PTPRG: variants seen among roughly 807,000 people sequenced by gnomAD.
The protein encoded by PTPRG is receptor-type tyrosine-protein phosphatase gamma.
In PTPRG, 102 loss-of-function variants were observed where a neutral mutation model predicts 165.3. The observed-to-expected ratio is 0.62, with a 90% CI of 0.53 to 0.73. PTPRG has a LOEUF of 0.73. Ranked by LOEUF, PTPRG falls within the 30% of genes least tolerant of loss-of-function variation. PTPRG has a pLI of 0.00. For synonymous variants in PTPRG, 675 were observed against 669.5 expected (o/e 1.01, Z -0.13); for missense variants, 1,866 against 1,861.4 (o/e 1.00, Z -0.05).
chr3:61,815,625 G>A (rs1275776997), intron 2 of PTPRG, among the ~76,000 whole-genome samples: 2 of 152,154 alleles, frequency 1.3e-5, no homozygotes, highest in Non-Finnish European at 2.9e-5. Context: ...GTTTTACTGT[G>A]CAAAAGTAGT....
chr3:61,776,926 C>T (rs189816787), intron 2 of PTPRG, among the ~76,000 whole-genome samples: 6 of 152,160 alleles, frequency 3.9e-5, no homozygotes, highest in Admixed American at 3.9e-4. Flanking sequence ...ACTATTTCTG[C>T]ACTGAACTGT....
intron 5 of PTPRG, chr3:62,124,526 G>A (rs962961931): frequency 1.2e-5 from 18 of 1,548,080 alleles, no homozygotes; most frequent in African/African-American, 4.1e-5. Flanking sequence ...GTCATCCACC[G>A]GGGTTTTGCT....
intron 26 of PTPRG, among the ~76,000 whole-genome samples, chr3:62,278,861 C>A (rs1289454604): frequency 6.6e-6 from 1 of 152,016 alleles, no homozygotes. Context: ...TTAAAACGTT[C>A]ATTTGTTGGA....
intron 1 of PTPRG, among the ~76,000 whole-genome samples, chr3:61,673,018 G>A (rs111732406): frequency 0.015 from 2,243 of 152,114 alleles, 65 homozygotes; most frequent in African/African-American, 0.05. Flanking sequence ...AATTAGCTGG[G>A]TGTGGTGGTG....
intron 2 of PTPRG, among the ~76,000 whole-genome samples, chr3:61,947,137 C>G (rs2039780693): frequency 6.6e-6 from 1 of 152,102 alleles, no homozygotes; most frequent in Non-Finnish European, 1.5e-5. Context: ...ATTAGTCCAG[C>G]TTAATCACGT....
chr3:61,754,535 C>T (rs1047141897), intron 2 of PTPRG, among the ~76,000 whole-genome samples: 2 of 152,130 alleles, frequency 1.3e-5, no homozygotes, highest in Admixed American at 6.5e-5. Flanking sequence ...CTGCAGCGTG[C>T]CAGTGTGTCT....
chr3:61,912,881 C>A (rs1039543472), intron 2 of PTPRG, among the ~76,000 whole-genome samples: 1 of 151,830 alleles, frequency 6.6e-6, no homozygotes, highest in African/African-American at 2.4e-5. Flanking sequence ...TTTTTTTCAC[C>A]ATTTTTTAGT....
intron 4 of PTPRG, among the ~76,000 whole-genome samples, chr3:62,040,605 C>T (rs930154283): frequency 1.3e-4 from 20 of 152,166 alleles, no homozygotes; most frequent in Non-Finnish European, 2.5e-4. Flanking sequence ...AGGCATGCGC[C>T]ACCACGCCCA....
intron 26 of PTPRG, among the ~76,000 whole-genome samples, chr3:62,279,953 G>A (rs1327525817): frequency 6.6e-6 from 1 of 151,964 alleles, no homozygotes; most frequent in Admixed American, 6.6e-5. Context: ...ATTAGGATAC[G>A]TGGTGTACAT....
chr3:62,124,318 C>G (rs1211142797), intron 5 of PTPRG: 18 of 1,609,466 alleles, frequency 1.1e-5, no homozygotes, highest in Non-Finnish European at 1.4e-5. Context: ...TCCTGGATGC[C>G]TGGTTCTGCC....
In PTPRG at chr3:62,191,476, C is replaced by T; in HGVS notation, c.1041C>T (p.Ser347=). The T allele has an allele frequency of 6.2e-7, 1 of 1,613,606 alleles. No homozygotes were observed. The highest frequency in any genetic ancestry group is 8.5e-7 in the Non-Finnish European group (1 of 1,179,862). The change falls in exon 9 of 30, where the codon AGC becomes AGT. Residue 347 remains serine (S), a synonymous_variant. Coordinates refer to ENST00000474889, the MANE Select transcript of PTPRG (RefSeq NM_002841.4). ...PLGTEASKVC[S]SPPIHMKVQP... is the part of the protein sequence containing the mutation. ...AGCCCTGTGTATCTTCAGTTTGCAG[C>T]TCTCCACCCATCCACATGAAGGTGC...
intron 9 of PTPRG, 103 bp from the exon 10 acceptor site, chr3:62,194,959 A>C: frequency 9.4e-7 from 1 of 1,061,602 alleles, no homozygotes; most frequent in Non-Finnish European, 1.4e-6. Flanking sequence ...GGGAAGCATC[A>C]CACCTGTCAG....
chr3:62,017,296 A>C lies in PTPRG; in HGVS notation c.519+13799A>C, dbSNP rs1426389106. ...CGTTTAAGAAAGCAAATCCTACCCC[A>C]AAAGTATGTCTTGTATTAAGAATGT... On this transcript the variant is annotated intron_variant, in intron 4 of 29. Coordinates refer to ENST00000474889, the MANE Select transcript of PTPRG (RefSeq NM_002841.4). Among the ~76,000 whole-genome samples, 3 of 152,208 alleles carry C rather than the reference A, an allele frequency of 2.0e-5. No homozygotes were observed. In the South Asian group the frequency reaches 6.2e-4, roughly 32 times the overall value.
chr3:62,021,631 T>C (rs1385108619), intron 4 of PTPRG, among the ~76,000 whole-genome samples: 1 of 152,178 alleles, frequency 6.6e-6, no homozygotes, highest in Non-Finnish European at 1.5e-5. Context: ...TGTGTTACAG[T>C]GCGCTTGTCT....
At chr3:61,692,281 G>A (rs1459372942) in intron 1 of PTPRG, among the ~76,000 whole-genome samples, 2 of 152,170 alleles carry the variant, frequency 1.3e-5, no homozygotes. Context: ...CAACTTAGTA[G>A]CAATACATCC....
intron 1 of PTPRG, among the ~76,000 whole-genome samples, chr3:61,641,150 A>G (rs1303283726): frequency 6.6e-6 from 1 of 152,184 alleles, no homozygotes; most frequent in East Asian, 1.9e-4. Flanking sequence ...AAATACTCTC[A>G]GTTCTAGTGA....
intron 2 of PTPRG, among the ~76,000 whole-genome samples, chr3:61,867,668 C>T (rs13076126): frequency 0.098 from 14,861 of 152,140 alleles, 1,087 homozygotes; most frequent in African/African-American, 0.2. Context: ...GCTCTTCACC[C>T]TGTACCTCTT....
intron 4 of PTPRG, among the ~76,000 whole-genome samples, chr3:62,021,114 A>G (rs1287834689): frequency 2.1e-5 from 3 of 144,648 alleles, no homozygotes; most frequent in Non-Finnish European, 4.5e-5. Flanking sequence ...GACTTTTAAT[A>G]CGAATACCTG....
chr3:61,857,557 G>A (rs965157301), intron 2 of PTPRG, among the ~76,000 whole-genome samples: 4 of 152,136 alleles, frequency 2.6e-5, no homozygotes, highest in African/African-American at 9.7e-5. Flanking sequence ...AGTGTGACTC[G>A]ATAATTATTT....
Sources: gnomAD v4.1 joint callset for allele counts (sites outside exome capture counted in the v4.1 genomes callset) on GRCh38, gnomAD v4.1.1 for gene constraint, MANE v1.5 for transcripts, NCBI Gene and HGNC (gene_info 2026-07-23, HGNC 2026-07-21) for gene names.